The following RB1 variants were observed in gnomAD, a reference collection of about 807,000 sequenced individuals.
RB1 encodes RB transcriptional corepressor 1.
RB1 carries 18 observed loss-of-function variants against 135.4 expected under a neutral mutation model. The ratio of observed to expected loss-of-function variants is 0.13; its 90% CI spans 0.09 to 0.20. The LOEUF is 0.20. Ranked by LOEUF, RB1 falls within the 10% of genes least tolerant of loss-of-function variation. The probability of loss-of-function intolerance (pLI) is 1.00; values close to 1 mark genes in which losing one functional copy is unlikely to be tolerated. For synonymous variants in RB1, 365 were observed against 373.2 expected (o/e 0.98, Z 0.25); for missense variants, 868 against 1,110.0 (o/e 0.78, Z 3.10).
chr13:48,337,754 G>A (rs990386326), intron 2 of RB1, among the ~76,000 whole-genome samples: 4 of 152,192 alleles, frequency 2.6e-5, no homozygotes, highest in African/African-American at 9.7e-5. Flanking sequence ...CTCGTTAGTT[G>A]ATGCAGTTTC....
chr13:48,307,872 A>G (rs1312676181), intron 2 of RB1, among the ~76,000 whole-genome samples: 1 of 151,234 alleles, frequency 6.6e-6, no homozygotes, highest in East Asian at 1.9e-4. Context: ...AAAAAAAAAA[A>G]AAGTTTGAAA....
chr13:48,348,858 T>A, intron 5 of RB1, 98 bp from the exon 6 acceptor site: 1 of 1,410,178 alleles, frequency 7.1e-7, no homozygotes, highest in South Asian at 1.3e-5. Context: ...ATTTTTTTTT[T>A]AATGCACAAA....
At chr13:48,351,918 T>C (rs1952552305) in intron 6 of RB1, among the ~76,000 whole-genome samples, 1 of 151,932 alleles carries the variant, frequency 6.6e-6, no homozygotes, top group South Asian at 2.1e-4. Context: ...AGGTGATCCA[T>C]GCACCTCAGC....
rs901471933 is a variant in RB1, at chr13:48,319,976, C to A, written c.264+12570C>A. ...ACTGCCGTGAGATAGTTCTGGCTTA[C>A]ATCTACTGCCACTGCCTGCAGCCCT... is the stretch of plus-strand genomic sequence containing the variant. On this transcript the variant is annotated intron_variant, in intron 2 of 26. Transcript: ENST00000267163. This position sits in a 1 kb window ranked among gnomAD's most constrained non-coding sequence, Gnocchi z 5.0. 15 of 388,756 alleles carry A rather than the reference C, an allele frequency of 3.9e-5. No individual in the cohort carries two copies. Among genetic ancestry groups the A allele is most frequent in the Admixed American group, 2.5e-4 (7 of 28,008 alleles). 24.1% of individuals were successfully genotyped at this position (388,756 alleles called of 1,614,324 possible). A position where few individuals can be genotyped will look rare whatever the true frequency, so the allele number is the denominator to read the frequency against.
intron 17 of RB1, among the ~76,000 whole-genome samples, chr13:48,387,693 T>C (rs1266049223): frequency 2.6e-5 from 4 of 152,172 alleles, no homozygotes; most frequent in African/African-American, 9.6e-5. Flanking sequence ...ATTGTACACA[T>C]TAAATGGGTG....
At chr13:48,398,065 G>T (rs773807694) in intron 17 of RB1, among the ~76,000 whole-genome samples, 4 of 152,094 alleles carry the variant, frequency 2.6e-5, no homozygotes, top group Non-Finnish European at 5.9e-5. Context: ...AAAAGCATGG[G>T]CCAGGACAAT....
chr13:48,310,221 G>A (rs1952120169), intron 2 of RB1, among the ~76,000 whole-genome samples: 2 of 152,148 alleles, frequency 1.3e-5, no homozygotes, highest in East Asian at 3.9e-4. Context: ...GTGATACAGT[G>A]TGTTCTAAGA....
chr13:48,471,327 G>A (rs1225026446), intron 23 of RB1, among the ~76,000 whole-genome samples: 2 of 57,356 alleles, frequency 3.5e-5, no homozygotes, highest in Admixed American at 2.0e-4. Context: ...ACCAAACACC[G>A]CATATTCTCA....
intron 19 of RB1, among the ~76,000 whole-genome samples, chr13:48,457,034 T>C: frequency 6.6e-6 from 1 of 152,208 alleles, no homozygotes; most frequent in East Asian, 1.9e-4. Flanking sequence ...CCTGTTTGTG[T>C]TACAGCCCTT....
At chr13:48,314,589 C>T (rs1166623232) in intron 2 of RB1, among the ~76,000 whole-genome samples, 2 of 152,076 alleles carry the variant, frequency 1.3e-5, no homozygotes. Flanking sequence ...CACTTGAGGT[C>T]AGGAATTTGA....
chr13:48,436,027 AAGACACGAATATGT>A, intron 17 of RB1, among the ~76,000 whole-genome samples: 1 of 152,226 alleles, frequency 6.6e-6, no homozygotes, highest in African/African-American at 2.4e-5. Flanking sequence ...TGTAAATATA[AAGACACGAATATGT>A]TAAAAGGATG....
chr13:48,412,394 G>C, intron 17 of RB1: 1 of 1,613,994 alleles, frequency 6.2e-7, no homozygotes, highest in Middle Eastern at 1.7e-4. Flanking sequence ...AGTCATTATA[G>C]AAGCAGTGGG....
At chr13:48,442,348 A>G (rs1222109873) in intron 17 of RB1, among the ~76,000 whole-genome samples, 1 of 151,964 alleles carries the variant, frequency 6.6e-6, no homozygotes, top group Non-Finnish European at 1.5e-5. Context: ...CTACAGGCGC[A>G]TGCAACCATG....
At chr13:48,381,562 G>A (rs1948536590) in intron 17 of RB1, 119 bp downstream of exon 17, 3 of 988,418 alleles carry the variant, frequency 3.0e-6, no homozygotes, top group East Asian at 2.6e-5. Context: ...AATGAATAAT[G>A]TTATTTCAGT....
chr13:48,412,022 CTT>C, intron 17 of RB1: 2 of 1,612,818 alleles, frequency 1.2e-6, no homozygotes, highest in Non-Finnish European at 8.5e-7. Flanking sequence ...TGCAAACAAT[CTT>C]TGCATTTCTT....
At chr13:48,380,641 C>T (rs1408500155) in intron 16 of RB1, among the ~76,000 whole-genome samples, 4 of 152,126 alleles carry the variant, frequency 2.6e-5, no homozygotes, top group Admixed American at 2.6e-4. Context: ...ACTGGATAAA[C>T]AGAACAAAGG....
intron 9 of RB1, among the ~76,000 whole-genome samples, chr13:48,365,300 G>A (rs1241050549): frequency 1.3e-5 from 2 of 152,018 alleles, no homozygotes; most frequent in African/African-American, 4.8e-5. Context: ...CATTAAATTT[G>A]CTTTGGTAAG....
intron 2 of RB1, among the ~76,000 whole-genome samples, chr13:48,322,614 T>C (rs958516034): frequency 6.6e-6 from 1 of 152,212 alleles, no homozygotes; most frequent in Non-Finnish European, 1.5e-5. Flanking sequence ...TGGATCTTAG[T>C]GGGAGACCAT....
intron 17 of RB1, chr13:48,415,714 C>G (rs1406769211): frequency 6.6e-6 from 1 of 152,114 alleles, no homozygotes; most frequent in Non-Finnish European, 1.5e-5. Flanking sequence ...ATTCTTGGTT[C>G]TTTGTAGATG....
Sources: allele counts gnomAD v4.1 joint callset (sites outside exome capture counted in the v4.1 genomes callset), GRCh38; gene constraint gnomAD v4.1.1; non-coding constraint Gnocchi (gnomAD v3.1); transcripts MANE v1.5; gene names NCBI Gene and HGNC (gene_info 2026-07-23, HGNC 2026-07-21).